Variants in DEPTOR observed in about 807,000 individuals in gnomAD.
The protein encoded by DEPTOR is DEP domain containing MTOR interacting protein.
DEPTOR carries 41 observed loss-of-function variants against 41.6 expected under a neutral mutation model. The ratio of observed to expected loss-of-function variants is 0.98; its 90% CI spans 0.77 to 1.28. The LOEUF is 1.28. DEPTOR is among the 50% of genes most tolerant of loss of function. The pLI is 0.00. For missense variants in DEPTOR, 514 were observed against 527.9 expected, an observed-to-expected ratio of 0.97 and a Z score of 0.26; for synonymous variants, 195 against 192.3, an observed-to-expected ratio of 1.01 and a Z score of -0.12.
intron 6 of DEPTOR, among the ~76,000 whole-genome samples, chr8:120,004,055 C>A (rs1290234014): frequency 2.0e-5 from 3 of 152,188 alleles, no homozygotes; most frequent in Admixed American, 1.3e-4. Flanking sequence ...GTTTCCTCAT[C>A]ATCAGATCTT....
chr8:119,875,819 A>G (rs1297992044), intron 1 of DEPTOR, among the ~76,000 whole-genome samples: 2 of 152,214 alleles, frequency 1.3e-5, no homozygotes, highest in African/African-American at 4.8e-5. Flanking sequence ...AGGCAAAACA[A>G]TTTGGTTGAT....
At chr8:119,875,326 G>A (rs10110223) in intron 1 of DEPTOR, among the ~76,000 whole-genome samples, 73,257 of 151,910 alleles carry the variant, frequency 0.48, 19,350 homozygotes, top group East Asian at 0.92. Flanking sequence ...TAGGAGTTGG[G>A]TAGATGATGG....
At chr8:120,023,765 T>C (rs942924256) in intron 8 of DEPTOR, among the ~76,000 whole-genome samples, 9 of 151,964 alleles carry the variant, frequency 5.9e-5, no homozygotes, top group African/African-American at 1.4e-4. Flanking sequence ...AGTTCAGGGC[T>C]GAGCTGTGTC....
At chr8:119,916,708 C>T (rs1049647070) in intron 1 of DEPTOR, among the ~76,000 whole-genome samples, 8 of 152,072 alleles carry the variant, frequency 5.3e-5, no homozygotes, top group African/African-American at 7.2e-5. Context: ...CAGACTTGTT[C>T]AGAAATTACA....
intron 4 of DEPTOR, among the ~76,000 whole-genome samples, chr8:119,981,387 T>C (rs573707539): frequency 1.3e-5 from 2 of 152,344 alleles, no homozygotes; most frequent in African/African-American, 4.8e-5. Flanking sequence ...ATGGGCACAG[T>C]GGCTCACGCC....
At chr8:119,959,089 A>T (rs1042385503) in intron 3 of DEPTOR, among the ~76,000 whole-genome samples, 3 of 150,404 alleles carry the variant, frequency 2.0e-5, no homozygotes, top group African/African-American at 7.4e-5. Flanking sequence ...GCTTATACCA[A>T]CTCTGCTGTT....
At chr8:119,937,948 AT>A (rs1828134674) in intron 3 of DEPTOR, among the ~76,000 whole-genome samples, 2 of 152,190 alleles carry the variant, frequency 1.3e-5, no homozygotes, top group Admixed American at 1.3e-4. Flanking sequence ...TGTTATCTTC[AT>A]TATGCTGGCA....
At chr8:119,963,705 G>A (rs1187358197) in intron 3 of DEPTOR, among the ~76,000 whole-genome samples, 2 of 152,034 alleles carry the variant, frequency 1.3e-5, no homozygotes, top group Non-Finnish European at 2.9e-5. Flanking sequence ...GTGTTACATT[G>A]CATCATATAT....
intron 1 of DEPTOR, among the ~76,000 whole-genome samples, chr8:119,899,354 G>A (rs1185699630): frequency 6.6e-6 from 1 of 152,130 alleles, no homozygotes; most frequent in African/African-American, 2.4e-5. Context: ...CTGAATGAAG[G>A]CTGAAGAAGG....
At chr8:119,891,000 T>G (rs1827445239) in intron 1 of DEPTOR, 1 of 152,166 alleles carries the variant, frequency 6.6e-6, no homozygotes, top group African/African-American at 2.4e-5. Context: ...GTTTAAACAA[T>G]AATGGGGATT....
intron 6 of DEPTOR, among the ~76,000 whole-genome samples, chr8:120,004,116 C>G (rs1812397581): frequency 6.6e-6 from 1 of 152,162 alleles, no homozygotes; most frequent in African/African-American, 2.4e-5. Flanking sequence ...AAAACACCAC[C>G]TCTTTGGAGA....
At chr8:119,911,261 C>T (rs1814394442) in intron 1 of DEPTOR, among the ~76,000 whole-genome samples, 2 of 151,746 alleles carry the variant, frequency 1.3e-5, no homozygotes, top group African/African-American at 4.9e-5. Context: ...TGGATCCTGA[C>T]AGCAGACAGA....
At chr8:119,899,587 C>T (rs1454178635) in intron 1 of DEPTOR, among the ~76,000 whole-genome samples, 1 of 152,118 alleles carries the variant, frequency 6.6e-6, no homozygotes, top group Non-Finnish European at 1.5e-5. Flanking sequence ...CTGGCATTGG[C>T]AATTGGAATG....
At chr8:119,889,417 C>T (rs1314259578) in intron 1 of DEPTOR, among the ~76,000 whole-genome samples, 1 of 151,070 alleles carries the variant, frequency 6.6e-6, no homozygotes, top group African/African-American at 2.4e-5. Flanking sequence ...TGTGTTAGTG[C>T]ATACCTGTGA....
chr8:120,026,774 ACT>A (rs1456814475), intron 8 of DEPTOR, among the ~76,000 whole-genome samples: 2 of 152,136 alleles, frequency 1.3e-5, no homozygotes, highest in Non-Finnish European at 2.9e-5. Flanking sequence ...TATGAAATAG[ACT>A]CACTTCAGGG....
chr8:119,973,463 T>C (rs991185066), intron 4 of DEPTOR, among the ~76,000 whole-genome samples: 6 of 152,178 alleles, frequency 3.9e-5, no homozygotes, highest in African/African-American at 1.4e-4. Flanking sequence ...CTTGAACTTC[T>C]GGGCTCAAGC....
chr8:119,917,711 C>A (rs1026005396), intron 1 of DEPTOR, among the ~76,000 whole-genome samples: 3 of 152,136 alleles, frequency 2.0e-5, no homozygotes, highest in African/African-American at 7.2e-5. Flanking sequence ...GCCCAACACC[C>A]GTAAAGGGTC....
At position 120,049,775 on chromosome 8, in the gene DEPTOR, GAC is replaced by G; in HGVS notation, c.*73_*74del. The G allele has an allele frequency of 6.3e-7, 1 of 1,579,204 alleles. No homozygotes were observed. The highest frequency in any genetic ancestry group is 1.1e-5 in the South Asian group (1 of 87,134). Reference sequence around the variant, plus strand: ...CCAGAATGACACAAAGCAATGCAAAGACAAGATTGCCATGCAAATGGATGGTT... The same window carrying G: ...CCAGAATGACACAAAGCAATGCAAAGAAGATTGCCATGCAAATGGATGGTT... On this transcript the variant is annotated 3_prime_UTR_variant, in exon 9 of 9. Coordinates refer to ENST00000286234, the MANE Select transcript of DEPTOR (RefSeq NM_022783.4).
At chr8:119,889,058 G>A (rs552496547) in intron 1 of DEPTOR, among the ~76,000 whole-genome samples, 1 of 151,742 alleles carries the variant, frequency 6.6e-6, no homozygotes, top group Admixed American at 6.6e-5. Flanking sequence ...TTAAAAATTT[G>A]TACACAATAA....
Sources: gnomAD v4.1 joint callset for allele counts (sites outside exome capture counted in the v4.1 genomes callset) on GRCh38, gnomAD v4.1.1 for gene constraint, MANE v1.5 for transcripts, NCBI Gene and HGNC (gene_info 2026-07-23, HGNC 2026-07-21) for gene names.